Variants in CREG2 observed in about 807,000 individuals in gnomAD.
The protein encoded by CREG2 is cellular repressor of E1A stimulated genes 2.
In CREG2, 24 loss-of-function variants were observed where a neutral mutation model predicts 26.2. That is an observed-to-expected ratio of 0.92 (90% CI 0.66 to 1.29). The LOEUF (loss-of-function observed/expected upper bound fraction) is 1.29. CREG2 is among the 50% of genes most tolerant of loss of function. CREG2 has a pLI of 0.00. For missense variants in CREG2, 366 were observed against 398.6 expected, an observed-to-expected ratio of 0.92 and a Z score of 0.70; for synonymous variants, 174 against 169.2, an observed-to-expected ratio of 1.03 and a Z score of -0.22.
intron 2 of CREG2, among the ~76,000 whole-genome samples, chr2:101,363,346 C>T (rs1380582348): frequency 1.3e-5 from 2 of 152,134 alleles, no homozygotes; most frequent in East Asian, 1.9e-4. Flanking sequence ...TCCAATTAAA[C>T]GTGAAGCTTG....
Position 101,357,724 on chromosome 2 carries a change from C to A in CREG2, c.612-2358G>T, listed in dbSNP as rs531417250. Among the ~76,000 whole-genome samples the A allele has an allele frequency of 5.3e-5, 8 of 152,054 alleles. No individual in the cohort carries two copies. The East Asian group carries it at 1.4e-3, about 26-fold the overall frequency. On this transcript the variant is annotated intron_variant, in intron 2 of 3. Coordinates refer to ENST00000324768, the MANE Select transcript of CREG2 (RefSeq NM_153836.4). The stretch of plus-strand genomic sequence containing the variant: ...CAACCCTAGGAGGTTTTATTATTAA[C>A]CCCTGTTTAGAAGTAAGAAAAGTGA...
intron 2 of CREG2, among the ~76,000 whole-genome samples, chr2:101,368,442 A>G (rs1453638801): frequency 4.6e-5 from 7 of 152,194 alleles, no homozygotes; most frequent in Non-Finnish European, 1.0e-4. Flanking sequence ...TATGCAACCA[A>G]TAAATGGCCC....
At chr2:101,369,657 G>C (rs904659770) in intron 2 of CREG2, among the ~76,000 whole-genome samples, 1 of 152,162 alleles carries the variant, frequency 6.6e-6, no homozygotes, top group African/African-American at 2.4e-5. Context: ...CTTGAAAGAT[G>C]CGTATTTCCA....
At chr2:101,359,563 A>G (rs1684510693) in intron 2 of CREG2, among the ~76,000 whole-genome samples, 1 of 152,154 alleles carries the variant, frequency 6.6e-6, no homozygotes, top group Non-Finnish European at 1.5e-5. Context: ...GGGTGTGACC[A>G]ATTATTTTTT....
intron 2 of CREG2, among the ~76,000 whole-genome samples, chr2:101,378,626 C>A (rs1047224716): frequency 3.3e-5 from 5 of 152,172 alleles, no homozygotes; most frequent in Admixed American, 2.6e-4. Flanking sequence ...AACCATGGAG[C>A]CAGAGGGCCC....
chr2:101,386,769 G>A (rs1684972598), intron 1 of CREG2, among the ~76,000 whole-genome samples: 1 of 152,094 alleles, frequency 6.6e-6, no homozygotes, highest in Admixed American at 6.5e-5. Flanking sequence ...TGGGGATTCG[G>A]TACCCAACCC....
chr2:101,383,463 G>A, intron 2 of CREG2, 70 bp downstream of exon 2: 8 of 1,503,470 alleles, frequency 5.3e-6, no homozygotes, highest in Non-Finnish European at 7.3e-6. Context: ...GACCCAGAGA[G>A]AAACCCACCC....
Position 101,349,419 on chromosome 2 carries a change from A to G in CREG2, c.*1504T>C. 1 of 152,774 alleles carries G rather than the reference A, an allele frequency of 6.5e-6. No individual in the cohort carries two copies. Among genetic ancestry groups the G allele is most frequent in the African/African-American group, 2.4e-5 (1 of 41,588 alleles). The allele number at this position is 152,774 out of a possible 1,614,324, so 9.5% of individuals were successfully genotyped here. On this transcript the variant is annotated 3_prime_UTR_variant, in exon 4 of 4. Transcript: ENST00000324768. ...GCTCTCGTCGTATGTTATTTTGTTA[A>G]GCAAAAGTTCATAATCATTAATAAC...
At chr2:101,383,814 CA>C in intron 1 of CREG2, 112 bp from the exon 2 acceptor site, 1 of 991,258 alleles carries the variant, frequency 1.0e-6, no homozygotes, top group Non-Finnish European at 1.5e-6. Context: ...GAGGGGGGAT[CA>C]TGGCATCACA....
At chr2:101,386,995 G>C in intron 1 of CREG2, 22 bp downstream of exon 1, 1 of 1,232,202 alleles carries the variant, frequency 8.1e-7, no homozygotes, top group Non-Finnish European at 1.0e-6. Context: ...AGGCCCCCTC[G>C]CGCTCCCCGC....
intron 3 of CREG2, among the ~76,000 whole-genome samples, chr2:101,354,717 C>T (rs1684430081): frequency 6.6e-6 from 1 of 152,150 alleles, no homozygotes; most frequent in Non-Finnish European, 1.5e-5. Flanking sequence ...ACCCCTACAG[C>T]AGTAGTTCTC....
At chr2:101,351,414 T>G (rs1045653488) in intron 3 of CREG2, among the ~76,000 whole-genome samples, 4 of 152,192 alleles carry the variant, frequency 2.6e-5, no homozygotes, top group African/African-American at 9.7e-5. Context: ...CGGCTCTTCA[T>G]AGGGCTGTGT....
chr2:101,348,357 A>G lies in CREG2; in HGVS notation c.*2566T>C, dbSNP rs1684331871. The G allele has an allele frequency of 6.6e-6, 1 of 152,230 alleles. No individual in the cohort carries two copies. Among genetic ancestry groups the G allele is most frequent in the Admixed American group, 6.5e-5 (1 of 15,282 alleles). 9.4% of individuals were successfully genotyped at this position (152,230 alleles called of 1,614,324 possible). On this transcript the variant is annotated 3_prime_UTR_variant, in exon 4 of 4. Coordinates refer to ENST00000324768, the MANE Select transcript of CREG2 (RefSeq NM_153836.4). ...AAATCCTTGTTGAGATTTTGATAGG[A>G]ATTGCATTAAACCTAGAGATGGAGA...
At chr2:101,359,618 C>T (rs568243749) in intron 2 of CREG2, among the ~76,000 whole-genome samples, 65 of 152,266 alleles carry the variant, frequency 4.3e-4, no homozygotes, top group African/African-American at 1.5e-3. Context: ...TGATAGTCAC[C>T]CGACATTCCT....
In CREG2 at chr2:101,387,487, C is replaced by T; in HGVS notation, c.-30G>A. ...CAGGCAGCACGCCCGGCCGCCGGGGCCGCCAGCAGCGCTAGTGCCGGGGAG... is the reference window on the plus strand; with the variant it reads ...CAGGCAGCACGCCCGGCCGCCGGGGTCGCCAGCAGCGCTAGTGCCGGGGAG... On this transcript the variant is annotated 5_prime_UTR_variant, in exon 1 of 4. Transcript: ENST00000324768. The surrounding 1 kb of genome is among the most constrained non-coding windows in gnomAD (Gnocchi z 4.7). 1 of 864,144 alleles carries T rather than the reference C, an allele frequency of 1.2e-6. No homozygotes were observed. Among genetic ancestry groups the T allele is most frequent in the Non-Finnish European group, 1.5e-6 (1 of 662,026 alleles). The allele number at this position is 864,144 out of a possible 1,614,324, so 53.5% of individuals were successfully genotyped here. A position where few individuals can be genotyped will look rare whatever the true frequency, so the allele number is the denominator to read the frequency against.
intron 2 of CREG2, among the ~76,000 whole-genome samples, chr2:101,356,188 T>C (rs1431926752): frequency 6.6e-6 from 1 of 152,202 alleles, no homozygotes; most frequent in Non-Finnish European, 1.5e-5. Flanking sequence ...CGACTCTCAG[T>C]TGCTTCTTCG....
chr2:101,371,223 A>G (rs1001804699), intron 2 of CREG2, among the ~76,000 whole-genome samples: 1 of 152,134 alleles, frequency 6.6e-6, no homozygotes, highest in Non-Finnish European at 1.5e-5. Context: ...AGGATCCAGG[A>G]GGTGCCCCCT....
chr2:101,348,915 A>G lies in CREG2; in HGVS notation c.*2008T>C, dbSNP rs1421022212. 1 of 152,320 alleles carries G rather than the reference A, an allele frequency of 6.6e-6. No individual in the cohort carries two copies. Among genetic ancestry groups the G allele is most frequent in the African/African-American group, 2.4e-5 (1 of 41,454 alleles). 9.4% of individuals were successfully genotyped at this position (152,320 alleles called of 1,614,324 possible). On this transcript the variant is annotated 3_prime_UTR_variant, in exon 4 of 4. Transcript: ENST00000324768. Reference sequence around the variant, plus strand: ...ATCAAACTTAAAACTGTGAATTTTCAACACTATTCTTACCCAACCTTTTCA... The same window carrying G: ...ATCAAACTTAAAACTGTGAATTTTCGACACTATTCTTACCCAACCTTTTCA...
chr2:101,385,264 C>A (rs192031083), intron 1 of CREG2, among the ~76,000 whole-genome samples: 19 of 152,236 alleles, frequency 1.2e-4, no homozygotes, highest in Admixed American at 9.8e-4. Context: ...CTCACTGCAG[C>A]CTCCGTCTCC....
Sources: allele counts gnomAD v4.1 joint callset (sites outside exome capture counted in the v4.1 genomes callset), GRCh38; gene constraint gnomAD v4.1.1; non-coding constraint Gnocchi (gnomAD v3.1); transcripts MANE v1.5; gene names NCBI Gene and HGNC (gene_info 2026-07-23, HGNC 2026-07-21).